Variants in LRCH4 observed in about 807,000 individuals in gnomAD.
LRCH4 encodes the protein leucine-rich repeat and calponin homology domain-containing protein 4.
Under a neutral mutation model 81.2 loss-of-function variants are expected in LRCH4, and 56 were observed. That is an observed-to-expected ratio of 0.69 (90% CI 0.56 to 0.86). The LOEUF is 0.86. Among genes scored for constraint, LRCH4 ranks in the 40% least tolerant of loss-of-function variants. The pLI is 0.00. For missense variants in LRCH4, 895 were observed against 922.8 expected (o/e 0.97, Z 0.39); for synonymous variants, 442 against 409.7 (o/e 1.08, Z -0.95).
Position 100,574,345 on chromosome 7 carries a change from G to A in LRCH4, c.*762C>T. On this transcript the variant is annotated 3_prime_UTR_variant, in exon 18 of 18. Coordinates refer to ENST00000310300, the MANE Select transcript of LRCH4 (RefSeq NM_002319.5). The stretch of plus-strand genomic sequence containing the variant: ...CCTCTTCCAGGATGTGGTGGGGCTG[G>A]CACAGTGACTCCTGGGGGAAGGGGC... The A allele has an allele frequency of 1.2e-5, 2 of 163,350 alleles. No homozygotes were observed. Among genetic ancestry groups the A allele is most frequent in the East Asian group, 1.9e-4 (1 of 5,208 alleles). 10.1% of individuals were successfully genotyped at this position (163,350 alleles called of 1,614,324 possible). A position where few individuals can be genotyped will look rare whatever the true frequency, so the allele number is the denominator to read the frequency against.
intron 1 of LRCH4, chr7:100,584,885 C>T (rs1192351168): frequency 2.4e-6 from 1 of 419,374 alleles, no homozygotes; most frequent in African/African-American, 2.0e-5. Flanking sequence ...TGGGGTGAGG[C>T]TTCGGGAATG....
intron 1 of LRCH4, chr7:100,584,849 A>G (rs1032373104): frequency 2.2e-6 from 1 of 449,942 alleles, no homozygotes; most frequent in Admixed American, 2.4e-5. Context: ...CCCACCGTGC[A>G]GATGAGAGGA....
intron 14 of LRCH4, 93 bp downstream of exon 14, chr7:100,576,601 C>A (rs1398384896): frequency 2.6e-6 from 3 of 1,133,808 alleles, no homozygotes; most frequent in Non-Finnish European, 3.8e-6. Context: ...ACAAAAGGTA[C>A]AACAGACCCA....
In LRCH4 at chr7:100,578,106, G is replaced by C. The variant is rs763214992; in HGVS notation, c.948+53C>G. On this transcript the variant is annotated intron_variant, in intron 7 of 17. Coordinates refer to ENST00000310300, the MANE Select transcript of LRCH4 (RefSeq NM_002319.5). This position sits in a 1 kb window ranked among gnomAD's most constrained non-coding sequence, Gnocchi z 5.7. ...GCAATTTGGAGGTCCCCAGTTCAGA[G>C]GTGCTCTCCCAGGGCTGACACCCTC... 7 of 1,565,304 alleles carry C rather than the reference G, an allele frequency of 4.5e-6. No homozygotes were observed. Among genetic ancestry groups the C allele is most frequent in the Non-Finnish European group, 6.2e-6 (7 of 1,136,662 alleles).
rs1271234496 is a variant in LRCH4, at chr7:100,575,275, G to A, written c.1884C>T (p.Leu628=). ...TCCGCAGCCCCCGGGCAGTGCCCTG[G>A]AGGAGATCCGAGGGCGAGCACAGGT... The part of the protein sequence containing the change: ...EADLCSPSDL[L]QGTARGLRTA... The change falls in exon 18 of 18, where the codon CTC becomes CTT. Residue 628 remains leucine, a synonymous_variant. Transcript: ENST00000310300. This position sits in a 1 kb window ranked among gnomAD's most constrained non-coding sequence, Gnocchi z 5.3. 1 of 1,564,642 alleles carries A rather than the reference G, an allele frequency of 6.4e-7. No homozygotes were observed. The highest frequency in any genetic ancestry group is 8.7e-7 in the Non-Finnish European group (1 of 1,152,964).
At chr7:100,581,991 C>G in intron 3 of LRCH4, 50 bp downstream of exon 3, 1 of 1,600,358 alleles carries the variant, frequency 6.2e-7, no homozygotes, top group East Asian at 2.2e-5. Flanking sequence ...CCTAGAAGGT[C>G]CCGCTGCCTG....
chr7:100,576,122 C>G (rs1484437627), intron 15 of LRCH4, 114 bp from the exon 16 acceptor site: 1 of 1,482,480 alleles, frequency 6.7e-7, no homozygotes, highest in Non-Finnish European at 9.2e-7. Flanking sequence ...TTCCTGTCCT[C>G]AGGGGAGGTG....
chr7:100,582,453 G>C lies in LRCH4; in HGVS notation c.227C>G (p.Ser76Cys). The change falls in exon 2 of 18, where the codon TCC becomes TGC. Residue 76 changes from serine (S) to cysteine (C), a missense_variant. This residue lies in a region of LRCH4 where 360 missense variants were observed against 397.0 expected (regional missense o/e 0.91). Coordinates refer to ENST00000310300, the MANE Select transcript of LRCH4 (RefSeq NM_002319.5). The surrounding 1 kb of genome is among the most constrained non-coding windows in gnomAD (Gnocchi z 5.0). Reference sequence around the variant, plus strand: ...GGGCACCTCGGGAAACCGGTTCCGGGACAGGTCTGGGGAAAAGGAGGTGTC... The same window carrying C: ...GGGCACCTCGGGAAACCGGTTCCGGCACAGGTCTGGGGAAAAGGAGGTGTC... ...DLSDITQADL[S>C]RNRFPEVPEA... 1 of 1,608,006 alleles carries C rather than the reference G, an allele frequency of 6.2e-7. No homozygotes were observed. The highest frequency in any genetic ancestry group is 1.1e-5 in the South Asian group (1 of 91,064).
chr7:100,576,139 T>A, intron 15 of LRCH4, 99 bp downstream of exon 15: 1 of 1,480,166 alleles, frequency 6.8e-7, no homozygotes, highest in Non-Finnish European at 9.3e-7. Context: ...GGTGCCAGAG[T>A]GGGCACAGAG....
rs550860770 is a variant in LRCH4, at chr7:100,583,944, G to T, written c.221-1485C>A. The T allele has an allele frequency of 2.7e-5, 9 of 331,128 alleles. No homozygotes were observed. The highest frequency in any genetic ancestry group is 1.9e-4 in the African/African-American group (9 of 46,430). 20.5% of individuals were successfully genotyped at this position (331,128 alleles called of 1,614,324 possible). A position where few individuals can be genotyped will look rare whatever the true frequency, so the allele number is the denominator to read the frequency against. On this transcript the variant is annotated intron_variant, in intron 1 of 17. Transcript: ENST00000310300. The surrounding 1 kb of genome is among the most constrained non-coding windows in gnomAD (Gnocchi z 4.3). ...TCAGGCAGGAGGCAGGGCACTGGGGGCACAGGATGTGGTCTGGGAGAGAAT... is the reference window on the plus strand; with the variant it reads ...TCAGGCAGGAGGCAGGGCACTGGGGTCACAGGATGTGGTCTGGGAGAGAAT...
rs766205600 is a variant in LRCH4 at position 100,577,481 on chromosome 7, TG to T, written c.1178+15del. On this transcript the variant is annotated intron_variant, in intron 10 of 17. Coordinates refer to ENST00000310300, the MANE Select transcript of LRCH4 (RefSeq NM_002319.5). This position sits in a 1 kb window ranked among gnomAD's most constrained non-coding sequence, Gnocchi z 6.7. ...GGAGGATCGGGCAGTGGCGTCAGTT[TG>T]GGGGCTTGGGGTACCTGCTGCTTGG... The T allele has an allele frequency of 6.2e-7, 1 of 1,607,246 alleles. No individual in the cohort carries two copies. Among genetic ancestry groups the T allele is most frequent in the South Asian group, 1.1e-5 (1 of 91,082 alleles).
rs1336015034 is a variant in LRCH4, at chr7:100,581,842, A to C, written c.533T>G (p.Leu178Arg). 6.2e-7 allele frequency: 1 copy of C among 1,614,030 alleles called. No individual in the cohort carries two copies. The highest frequency in any genetic ancestry group is 8.5e-7 in the Non-Finnish European group (1 of 1,180,028). The change falls in exon 4 of 18, where the codon CTG (leucine) becomes CGG (arginine). Residue 178 changes from leucine to arginine, a missense_variant. By Grantham distance (102) the Leu-to-Arg change is moderately radical. Around this residue, in one of 3 missense-constraint regions of LRCH4, gnomAD observed 360 missense variants for 397.0 expected, o/e 0.91. Transcript: ENST00000310300. ...GTCCCGCAGGGAAGAGAGGCCACAC[A>C]GTTCCGAGGGCAGGGATTGGAGCTC... ...SNELQSLPSE[L>R]CGLSSLRDLN...
In LRCH4 at chr7:100,576,677, G is replaced by A; in HGVS notation, c.1552+17C>T. ...TGGCAAGCACTGGGTCAGCACTGGG[G>A]AGGGCAGGACACCCACCTGAGCCAC... On this transcript the variant is annotated intron_variant, in intron 14 of 17. Coordinates refer to ENST00000310300, the MANE Select transcript of LRCH4 (RefSeq NM_002319.5). 5 of 1,575,934 alleles carry A rather than the reference G, an allele frequency of 3.2e-6. No homozygotes were observed. The highest frequency in any genetic ancestry group is 4.3e-6 in the Non-Finnish European group (5 of 1,160,172).
chr7:100,581,690 C>A, intron 4 of LRCH4, 87 bp downstream of exon 4: 1 of 1,090,672 alleles, frequency 9.2e-7, no homozygotes, highest in Admixed American at 1.9e-5. Context: ...TATAAGCTAC[C>A]CGGTCTGCAG....
In LRCH4 at chr7:100,577,683, T is replaced by C; in HGVS notation, c.1097A>G (p.Glu366Gly). ...TCTCACCTCCACAGTGCCTCGCTCT[T>C]CATCCTCCCCGGGGACATGGCTGTC... ...FIDSHVPGEDEERGTVEEQRP... is the reference protein window; with the variant it reads ...FIDSHVPGEDGERGTVEEQRP... The change falls in exon 9 of 18, where the codon GAA (glutamate) becomes GGA (glycine). Residue 366 changes from glutamate to glycine, a missense_variant. Glu to Gly is a moderately conservative substitution (Grantham distance 98, BLOSUM62 -2). Around this residue, in one of 3 missense-constraint regions of LRCH4, gnomAD observed 529 missense variants for 504.9 expected, o/e 1.05. Transcript: ENST00000310300. This position sits in a 1 kb window ranked among gnomAD's most constrained non-coding sequence, Gnocchi z 6.7. 6.2e-7 allele frequency: 1 copy of C among 1,613,916 alleles called. No individual in the cohort carries two copies. Among genetic ancestry groups the C allele is most frequent in the Non-Finnish European group, 8.5e-7 (1 of 1,179,970 alleles).
rs1445175685 is a variant in LRCH4, at chr7:100,586,071, G to T, written c.30C>A (p.Ala10=). The T allele has an allele frequency of 1.3e-6, 2 of 1,555,504 alleles. No homozygotes were observed. The highest frequency in any genetic ancestry group is 2.7e-5 in the African/African-American group (2 of 72,862). The change falls in exon 1 of 18, where the codon GCC becomes GCA. Residue 10 remains alanine (A), a synonymous_variant. Transcript: ENST00000310300. MAAAVAAPL[A]AGGEEAAATT... is the part of the protein sequence containing the mutation. ...TGGCTGCCGCCTCCTCACCCCCGGC[G>T]GCGAGTGGAGCCGCTACGGCCGCCG...
In LRCH4 at chr7:100,578,642, C is replaced by G. The variant is rs752408610; in HGVS notation, c.735+8G>C. The G allele has an allele frequency of 1.9e-6, 3 of 1,612,278 alleles. No individual in the cohort carries two copies. The highest frequency in any genetic ancestry group is 2.5e-6 in the Non-Finnish European group (3 of 1,178,922). On this transcript the variant is annotated splice_region_variant and intron_variant, in intron 5 of 17. Coordinates refer to ENST00000310300, the MANE Select transcript of LRCH4 (RefSeq NM_002319.5). This position sits in a 1 kb window ranked among gnomAD's most constrained non-coding sequence, Gnocchi z 5.7. The stretch of plus-strand genomic sequence containing the variant: ...CTGTCCTCGTGGCCCCCCAGGCACC[C>G]GCCTCACCTGGGCAGGTGGACTCTG...
Position 100,575,023 on chromosome 7 carries a change from G to A in LRCH4, c.*84C>T, listed in dbSNP as rs1801298930. ...ACTAGTGTCTTTGGTTGGGGCTGAA[G>A]GCACCGCAGGTGGGGTCGGGTGGAG... On this transcript the variant is annotated 3_prime_UTR_variant, in exon 18 of 18. Transcript: ENST00000310300. The surrounding 1 kb of genome is among the most constrained non-coding windows in gnomAD (Gnocchi z 5.3). 2.3e-6 allele frequency: 3 copies of A among 1,312,020 alleles called. No individual in the cohort carries two copies. The highest frequency in any genetic ancestry group is 3.1e-6 in the Non-Finnish European group (3 of 956,348). The allele number at this position is 1,312,020 out of a possible 1,614,324, so 81.3% of individuals were successfully genotyped here.
At chr7:100,585,160 G>T (rs1404132524) in intron 1 of LRCH4, 1 of 199,376 alleles carries the variant, frequency 5.0e-6, no homozygotes, top group Non-Finnish European at 1.1e-5. Flanking sequence ...TCCCCCGGGG[G>T]AAAGCAGAAA....
Sources: allele counts gnomAD v4.1 joint callset, GRCh38; gene constraint gnomAD v4.1.1; regional missense constraint gnomAD v4.1.1; non-coding constraint Gnocchi (gnomAD v3.1); transcripts MANE v1.5; gene names NCBI Gene and HGNC (gene_info 2026-07-23, HGNC 2026-07-21).